TBX15: variants seen among roughly 807,000 people sequenced by gnomAD.
TBX15 encodes T-box transcription factor TBX15.
TBX15 carries 18 observed loss-of-function variants against 53.9 expected under a neutral mutation model. That is an observed-to-expected ratio of 0.33 (90% CI 0.23 to 0.49). The LOEUF (loss-of-function observed/expected upper bound fraction) is 0.49. Ranked by LOEUF, TBX15 falls within the 20% of genes least tolerant of loss-of-function variation. The probability of loss-of-function intolerance (pLI) is 0.98; values close to 1 mark genes in which losing one functional copy is unlikely to be tolerated. For missense variants in TBX15, 692 were observed against 749.5 expected (o/e 0.92, Z 0.90); for synonymous variants, 295 against 278.0 (o/e 1.06, Z -0.61).
rs1324948832 is a variant in TBX15, at chr1:118,921,674, T to C, written c.861+1762A>G. Among the ~76,000 whole-genome samples the C allele has an allele frequency of 1.3e-5, 2 of 152,258 alleles. 1 individual carries two copies. The highest frequency in any genetic ancestry group is 3.8e-4 in the East Asian group (2 of 5,202). On this transcript the variant is annotated intron_variant, in intron 5 of 7. Transcript: ENST00000369429. The stretch of plus-strand genomic sequence containing the variant: ...TGTGGAGCAGGACACTGCTTTTCCT[T>C]AGAAAGTCTGGGTAATGTTCCATTT...
intron 1 of TBX15, among the ~76,000 whole-genome samples, chr1:118,968,600 ATATGCATAT>A (rs1258856032): frequency 6.6e-6 from 1 of 152,212 alleles, no homozygotes; most frequent in Non-Finnish European, 1.5e-5. Flanking sequence ...TATTGCGAAT[ATATGCATAT>A]TGCATTTGTG....
chr1:118,938,884 C>A (rs932753239), intron 1 of TBX15, among the ~76,000 whole-genome samples: 1 of 152,064 alleles, frequency 6.6e-6, no homozygotes, highest in African/African-American at 2.4e-5. Context: ...CCTATAGATT[C>A]TGTATATTAG....
intron 2 of TBX15, among the ~76,000 whole-genome samples, chr1:118,927,740 C>T (rs1373940050): frequency 6.6e-6 from 1 of 152,250 alleles, no homozygotes; most frequent in Middle Eastern, 3.4e-3. Flanking sequence ...CAGAGCAGCC[C>T]AAAAGAGGTA....
chr1:118,987,446 G>A, intron 1 of TBX15, 145 bp downstream of exon 1: 2 of 1,049,328 alleles, frequency 1.9e-6, no homozygotes. Context: ...GGGAGGCTCA[G>A]GGCATTTGCG....
intron 6 of TBX15, among the ~76,000 whole-genome samples, chr1:118,906,085 T>C (rs1654812022): frequency 6.6e-6 from 1 of 152,166 alleles, no homozygotes; most frequent in Admixed American, 6.5e-5. Context: ...GAGATAAAAA[T>C]GGACAACTTG....
At chr1:118,892,197 T>C (rs114859208) in intron 7 of TBX15, among the ~76,000 whole-genome samples, 1,645 of 152,242 alleles carry the variant, frequency 0.011, 30 homozygotes, top group African/African-American at 0.038. Flanking sequence ...TTTAGAAAAA[T>C]ACATAATCTC....
At chr1:118,894,229 A>C (rs1169907765) in intron 7 of TBX15, among the ~76,000 whole-genome samples, 1 of 152,188 alleles carries the variant, frequency 6.6e-6, no homozygotes, top group East Asian at 1.9e-4. Flanking sequence ...CTGAAGCTAG[A>C]GTAGTAATAA....
chr1:118,922,099 G>A (rs1186710306), intron 5 of TBX15, among the ~76,000 whole-genome samples: 2 of 152,160 alleles, frequency 1.3e-5, no homozygotes, highest in East Asian at 3.9e-4. Context: ...CAGCCAAAGG[G>A]AATGTTAAAT....
chr1:118,900,687 T>C (rs1654600006), intron 6 of TBX15, among the ~76,000 whole-genome samples: 1 of 152,178 alleles, frequency 6.6e-6, no homozygotes, highest in Admixed American at 6.5e-5. Context: ...TCACTCTACA[T>C]TAATGTTGAA....
rs116509783 is a variant in TBX15 at position 118,979,145 on chromosome 1, A to G, written c.205+8446T>C. On this transcript the variant is annotated intron_variant, in intron 1 of 7. Transcript: ENST00000369429. ...GCCGGGTTCTTAAAAGAACGCAGTT[A>G]TTTCAGCTACTAGTAGTCACTTCTC... Among the ~76,000 whole-genome samples the G allele has an allele frequency of 9.9e-3, 1,507 of 152,308 alleles. 27 individuals carry two copies. Among genetic ancestry groups the G allele is most frequent in the African/African-American group, 0.034 (1,423 of 41,570 alleles).
At chr1:118,974,384 C>T (rs963319949) in intron 1 of TBX15, among the ~76,000 whole-genome samples, 1 of 152,086 alleles carries the variant, frequency 6.6e-6, no homozygotes, top group Non-Finnish European at 1.5e-5. Context: ...GCACAACAGA[C>T]AGGAATATGA....
intron 1 of TBX15, among the ~76,000 whole-genome samples, chr1:118,979,843 A>G (rs1657587251): frequency 6.6e-6 from 1 of 152,118 alleles, no homozygotes; most frequent in African/African-American, 2.4e-5. Flanking sequence ...CGGCGAGGCG[A>G]GGCGAGGCGG....
chr1:118,968,124 G>T (rs200616716), intron 1 of TBX15, among the ~76,000 whole-genome samples: 1 of 152,182 alleles, frequency 6.6e-6, no homozygotes, highest in East Asian at 1.9e-4. Flanking sequence ...ACACTTGTCA[G>T]TCTTTTTCTC....
intron 5 of TBX15, among the ~76,000 whole-genome samples, chr1:118,919,728 C>G (rs1251873726): frequency 4.6e-5 from 7 of 152,148 alleles, no homozygotes; most frequent in Non-Finnish European, 8.8e-5. Flanking sequence ...CTTAGAATTA[C>G]AGAAATGTGC....
intron 6 of TBX15, among the ~76,000 whole-genome samples, chr1:118,913,763 A>G (rs1655100642): frequency 6.6e-6 from 1 of 152,210 alleles, no homozygotes; most frequent in Non-Finnish European, 1.5e-5. Context: ...TTTCCTGGGA[A>G]TGAGAAATAT....
At chr1:118,960,282 CG>C (rs1656826054) in intron 1 of TBX15, among the ~76,000 whole-genome samples, 1 of 152,174 alleles carries the variant, frequency 6.6e-6, no homozygotes. Flanking sequence ...TGCCACCTTC[CG>C]CCCAGTTCAG....
intron 1 of TBX15, among the ~76,000 whole-genome samples, chr1:118,977,823 C>A (rs767921657): frequency 6.6e-6 from 1 of 152,180 alleles, no homozygotes; most frequent in East Asian, 1.9e-4. Context: ...TTTTAGCATT[C>A]TCACATCTCT....
intron 1 of TBX15, among the ~76,000 whole-genome samples, chr1:118,963,949 A>G (rs55826903): frequency 6.6e-6 from 1 of 152,194 alleles, no homozygotes; most frequent in African/African-American, 2.4e-5. Context: ...GAGAAGCCAT[A>G]TGGAGAAGAA....
chr1:118,916,544 C>T (rs1655228390), intron 5 of TBX15, among the ~76,000 whole-genome samples: 1 of 152,150 alleles, frequency 6.6e-6, no homozygotes, highest in Non-Finnish European at 1.5e-5. Flanking sequence ...GATACCATCT[C>T]ACGCCAGTCA....
Sources: allele counts gnomAD v4.1 joint callset (sites outside exome capture counted in the v4.1 genomes callset), GRCh38; gene constraint gnomAD v4.1.1; transcripts MANE v1.5; gene names NCBI Gene and HGNC (gene_info 2026-07-23, HGNC 2026-07-21).